The following SAMSN1 variants were observed in gnomAD, a reference collection of about 807,000 sequenced individuals.
SAMSN1 encodes SAM domain, SH3 domain and nuclear localization signals 1, also known as SAM domain-containing protein SAMSN-1.
Under a neutral mutation model 42.0 loss-of-function variants are expected in SAMSN1, and 31 were observed. The observed-to-expected ratio is 0.74, with a 90% confidence interval of 0.55 to 1.00. SAMSN1 has a LOEUF of 1.00. Among genes scored for constraint, SAMSN1 ranks in the 50% least tolerant of loss-of-function variants. The pLI is 0.00. For synonymous variants in SAMSN1, 178 were observed against 151.9 expected (o/e 1.17, Z -1.26); for missense variants, 464 against 439.4 (o/e 1.06, Z -0.50).
chr21:14,632,941 G>T (rs1983370041), intron 2 of SAMSN1, among the ~76,000 whole-genome samples: 1 of 152,098 alleles, frequency 6.6e-6, no homozygotes, highest in African/African-American at 2.4e-5. Context: ...TCATTATAGT[G>T]TGCAAAACAA....
Position 14,569,129 on chromosome 21 carries a change from TAA to T in SAMSN1, c.261+13005_261+13006del, listed in dbSNP as rs11361968. 3.4e-3 allele frequency among the ~76,000 whole-genome samples: 505 copies of T among 150,624 alleles called. 1 individual carries two copies. The highest frequency in any genetic ancestry group is 0.02 in the South Asian group (94 of 4,762). ...AACATAGCAATACCTCATTTCTATT[TAA>T]AAAAAAAAATAAAAATAGCTAGGCG... On this transcript the variant is annotated intron_variant, in intron 2 of 8. Coordinates refer to the SAMSN1 transcript ENST00000285670.
chr21:14,576,668 A>G (rs2822777), intron 2 of SAMSN1, among the ~76,000 whole-genome samples: 97,870 of 152,132 alleles, frequency 0.64, 33,999 homozygotes, highest in African/African-American at 0.91. Flanking sequence ...CATCCACACG[A>G]TTTGTCACCA....
upstream of SAMSN1, chr21:14,583,644 A>G (rs1390209162): frequency 1.4e-6 from 1 of 716,922 alleles, no homozygotes; most frequent in Non-Finnish European, 2.6e-6. Flanking sequence ...TTGAGTTCTT[A>G]CTTACGGAGG....
At chr21:14,577,236 GTGTATATATATATATATATATA>G (rs1293451001) in intron 2 of SAMSN1, among the ~76,000 whole-genome samples, 13 of 30,856 alleles carry the variant, frequency 4.2e-4, no homozygotes, top group East Asian at 1.3e-3. Flanking sequence ...ATATATATGT[GTGTATATATATATATATATATA>G]TATATATATA....
chr21:14,627,691 A>G (rs187456699), intron 2 of SAMSN1, among the ~76,000 whole-genome samples: 188 of 152,354 alleles, frequency 1.2e-3, no homozygotes, highest in African/African-American at 4.1e-3. Context: ...GCACAGCATG[A>G]ATGCTCAATA....
At chr21:14,613,374 A>T (rs1982759386) in intron 3 of SAMSN1, among the ~76,000 whole-genome samples, 1 of 152,178 alleles carries the variant, frequency 6.6e-6, no homozygotes, top group Admixed American at 6.5e-5. Flanking sequence ...ATGCCAGTGG[A>T]TCCATGTGAT....
rs909983409 is a variant in SAMSN1, at chr21:14,557,153, C to T, written c.261+24983G>A. On this transcript the variant is annotated intron_variant, in intron 2 of 8. Transcript: ENST00000285670. ...TGCTTTTCCTCGTTCTACCCATCCA[C>T]GGAGAACCTGTGGTGTGAAGAGAGC... Among the ~76,000 whole-genome samples, 10 of 152,264 alleles carry T rather than the reference C, an allele frequency of 6.6e-5. No homozygotes were observed. The South Asian group carries it at 1.5e-3, about 22-fold the overall frequency.
chr21:14,499,201 G>C (rs1418893692), intron 6 of SAMSN1, among the ~76,000 whole-genome samples: 2 of 152,150 alleles, frequency 1.3e-5, no homozygotes, highest in African/African-American at 4.8e-5. Flanking sequence ...TGTAGTTGGG[G>C]AAAGAATTGT....
intron 6 of SAMSN1, among the ~76,000 whole-genome samples, chr21:14,601,831 A>G (rs991750300): frequency 6.6e-6 from 1 of 152,204 alleles, no homozygotes; most frequent in Admixed American, 6.5e-5. Flanking sequence ...TTATCTTATC[A>G]TCATTGAATT....
intron 2 of SAMSN1, among the ~76,000 whole-genome samples, chr21:14,617,689 A>C (rs570648201): frequency 6.6e-6 from 1 of 152,370 alleles, no homozygotes; most frequent in East Asian, 1.9e-4. Context: ...AAAATAGACA[A>C]GATTTGCAAT....
intron 3 of SAMSN1, among the ~76,000 whole-genome samples, chr21:14,515,508 T>C (rs1459590670): frequency 6.6e-6 from 1 of 152,104 alleles, no homozygotes; most frequent in African/African-American, 2.4e-5. Flanking sequence ...TTGAAATAAA[T>C]GATACACCAA....
rs139408489 is a variant in SAMSN1 at position 14,566,766 on chromosome 21, G to C, written c.261+15370C>G. Among the ~76,000 whole-genome samples, 551 of 152,144 alleles carry C rather than the reference G, an allele frequency of 3.6e-3. 4 individuals carry two copies. Among genetic ancestry groups the C allele is most frequent in the Middle Eastern group, 0.02 (6 of 294 alleles). ...TTGGCCAGGCTGGTCTTGAACTCCT[G>C]ATCTCAAGTGATCTGCCCACCTCGG... On this transcript the variant is annotated intron_variant, in intron 2 of 8. Coordinates refer to the SAMSN1 transcript ENST00000285670.
Position 14,500,653 on chromosome 21 carries a change from T to G in SAMSN1, c.644A>C (p.Lys215Thr), listed in dbSNP as rs1183455236. 1.2e-6 allele frequency: 2 copies of G among 1,614,050 alleles called. No homozygotes were observed. The highest frequency in any genetic ancestry group is 1.7e-6 in the Non-Finnish European group (2 of 1,179,998). The change falls in exon 6 of 8, where the codon AAA becomes ACA. Residue 215 changes from lysine to threonine, a missense_variant. By Grantham distance (78) the Lys-to-Thr change is moderately conservative. Transcript: ENST00000400566. ...GMLNNKVGNF[K>T]FIYVDVISEE... ...TGAGATGACATCCACATAAATGAAT[T>G]TGAAGTTTCCCACTTTATTGTTCAA... is the stretch of plus-strand genomic sequence containing the variant.
chr21:14,489,274 T>C (rs2822697), intron 7 of SAMSN1, among the ~76,000 whole-genome samples: 49,046 of 152,114 alleles, frequency 0.32, 11,127 homozygotes, highest in African/African-American at 0.63. Flanking sequence ...TACAAAATTA[T>C]GGACTTCCCA....
intron 2 of SAMSN1, among the ~76,000 whole-genome samples, chr21:14,640,843 T>C (rs766085385): frequency 6.6e-6 from 1 of 152,130 alleles, no homozygotes; most frequent in African/African-American, 2.4e-5. Context: ...TATGTATACA[T>C]ATATTTTTAA....
intron 1 of SAMSN1, among the ~76,000 whole-genome samples, chr21:14,650,209 G>A (rs1166473169): frequency 6.6e-6 from 1 of 152,138 alleles, no homozygotes; most frequent in Non-Finnish European, 1.5e-5. Context: ...GATATTTACA[G>A]AACATTTCAG....
At chr21:14,509,921 C>T (rs1014238326) in intron 5 of SAMSN1, among the ~76,000 whole-genome samples, 2 of 152,202 alleles carry the variant, frequency 1.3e-5, no homozygotes, top group African/African-American at 2.4e-5. Context: ...GGGCGGATCA[C>T]GAGGTCAGGA....
chr21:14,600,065 C>T (rs141711710), intron 6 of SAMSN1, among the ~76,000 whole-genome samples: 137 of 152,226 alleles, frequency 9.0e-4, no homozygotes, highest in African/African-American at 3.2e-3. Flanking sequence ...TTAAGTAATA[C>T]TCCAGTTGAG....
In SAMSN1 at chr21:14,512,418, T is replaced by G. The variant is rs747960840; in HGVS notation, c.409+26A>C. The G allele has an allele frequency of 1.8e-5, 29 of 1,611,882 alleles. No individual in the cohort carries two copies. In the South Asian group the frequency reaches 3.2e-4, roughly 18 times the overall value. The stretch of plus-strand genomic sequence containing the variant: ...TTTAACCCAGACCTCACACCCAGGA[T>G]CTTGTCCCTGATTCATTAGCCTTAC... On this transcript the variant is annotated intron_variant, in intron 4 of 7. Coordinates refer to ENST00000400566, the MANE Select transcript of SAMSN1 (RefSeq NM_022136.5).
Sources: gnomAD v4.1 joint callset for allele counts (sites outside exome capture counted in the v4.1 genomes callset) on GRCh38, gnomAD v4.1.1 for gene constraint, MANE v1.5 for transcripts, NCBI Gene and HGNC (gene_info 2026-07-23, HGNC 2026-07-21) for gene names.